Variants in CNBD1 observed in about 807,000 individuals in gnomAD.
The protein encoded by CNBD1 is cyclic nucleotide binding domain containing 1.
A neutral mutation model predicts 54.4 loss-of-function variants in CNBD1; 71 were observed. The observed-to-expected ratio is 1.30, with a 90% CI of 1.08 to 1.59. The LOEUF is 1.59. Among genes scored for constraint, CNBD1 ranks in the 40% most tolerant of loss-of-function variants. The pLI is 0.00. For missense variants in CNBD1, 659 were observed against 518.0 expected, an observed-to-expected ratio of 1.27 and a Z score of -2.64; for synonymous variants, 182 against 170.7, an observed-to-expected ratio of 1.07 and a Z score of -0.51.
Position 87,351,673 on chromosome 8 carries a change from T to C in CNBD1, c.1043-12T>C, listed in dbSNP as rs1276693326. The C allele has an allele frequency of 1.3e-6, 2 of 1,483,834 alleles. No homozygotes were observed. Among genetic ancestry groups the C allele is most frequent in the Admixed American group, 2.9e-5 (1 of 34,196 alleles). The allele number at this position is 1,483,834 out of a possible 1,614,324, so 91.9% of individuals were successfully genotyped here. On this transcript the variant is annotated splice_polypyrimidine_tract_variant and intron_variant, in intron 8 of 10. Coordinates refer to ENST00000518476, the MANE Select transcript of CNBD1 (RefSeq NM_173538.3). ...AAGAATGTGTGAAATGAACTATCTC[T>C]CTTCTTTTCAGTGATAGTGGAAAGT...
Position 87,284,831 on chromosome 8 carries a change from A to T in CNBD1, c.909+16A>T. On this transcript the variant is annotated intron_variant, in intron 7 of 10. Coordinates refer to ENST00000518476, the MANE Select transcript of CNBD1 (RefSeq NM_173538.3). ...GATAAAGGAGGTAAGATGATATCTA[A>T]TATTTTATATAAACAAAAATTGGGC... 2.0e-6 allele frequency: 3 copies of T among 1,525,172 alleles called. No homozygotes were observed. Among genetic ancestry groups the T allele is most frequent in the Non-Finnish European group, 2.6e-6 (3 of 1,132,240 alleles). 94.5% of individuals were successfully genotyped at this position (1,525,172 alleles called of 1,614,324 possible).
rs1461897466 is a variant in CNBD1 at position 87,206,008 on chromosome 8, G to A, written c.447G>A (p.Thr149=). The change falls in exon 5 of 11, where the codon ACG becomes ACA. Residue 149 remains threonine (T), a synonymous_variant. Coordinates refer to ENST00000518476, the MANE Select transcript of CNBD1 (RefSeq NM_173538.3). Reference sequence around the variant, plus strand: ...TTTTTTTGAGGCCCATTCACAGGACGCCATATGAACACAAAACTGTGTGGA... The same window carrying A: ...TTTTTTTGAGGCCCATTCACAGGACACCATATGAACACAAAACTGTGTGGA... ...AILKKLPIHR[T]PYEHKTVWKF... is the part of the protein sequence containing the mutation. The A allele has an allele frequency of 8.5e-6, 13 of 1,529,072 alleles. No individual in the cohort carries two copies. Among genetic ancestry groups the A allele is most frequent in the Admixed American group, 4.3e-5 (2 of 46,192 alleles). 94.7% of individuals were successfully genotyped at this position (1,529,072 alleles called of 1,614,324 possible).
chr8:87,303,292 T>C lies in CNBD1; in HGVS notation c.1042+16621T>C, dbSNP rs545155603. Among the ~76,000 whole-genome samples, 13 of 151,964 alleles carry C rather than the reference T, an allele frequency of 8.6e-5. No individual in the cohort carries two copies. The East Asian group carries it at 1.9e-3, about 23-fold the overall frequency. On this transcript the variant is annotated intron_variant, in intron 8 of 10. Coordinates refer to ENST00000518476, the MANE Select transcript of CNBD1 (RefSeq NM_173538.3). ...TGGTACTGGTACCAAAACAGAGATA[T>C]AGACCAATGGAACAGAACAGAGCCC...
At chr8:87,178,577 C>T (rs1709210191) in intron 4 of CNBD1, among the ~76,000 whole-genome samples, 2 of 152,150 alleles carry the variant, frequency 1.3e-5, no homozygotes, top group South Asian at 4.1e-4. Flanking sequence ...GCCATTTTTA[C>T]TTGGAGTCTG....
intron 10 of CNBD1, among the ~76,000 whole-genome samples, chr8:87,359,775 C>CA (rs1810492237): frequency 6.6e-6 from 1 of 151,968 alleles, no homozygotes; most frequent in Admixed American, 6.6e-5. Flanking sequence ...TCAGCGTGAG[C>CA]AAACTCTATG....
chr8:87,236,203 A>T (rs1359650340), intron 5 of CNBD1, among the ~76,000 whole-genome samples: 1 of 152,176 alleles, frequency 6.6e-6, no homozygotes, highest in Non-Finnish European at 1.5e-5. Context: ...GAAATGGAGA[A>T]AGACACCATC....
At chr8:86,915,718 G>A (rs1809173269) in intron 3 of CNBD1, among the ~76,000 whole-genome samples, 1 of 152,186 alleles carries the variant, frequency 6.6e-6, no homozygotes, top group South Asian at 2.1e-4. Flanking sequence ...AAATTCAGAT[G>A]AGTACTGGAA....
chr8:86,987,166 T>G (rs1303534267), intron 4 of CNBD1, among the ~76,000 whole-genome samples: 1 of 152,208 alleles, frequency 6.6e-6, no homozygotes, highest in East Asian at 1.9e-4. Context: ...TTCCATTTAT[T>G]TGTCTCATCT....
At chr8:87,336,491 A>G (rs1219692342) in intron 8 of CNBD1, among the ~76,000 whole-genome samples, 2 of 151,780 alleles carry the variant, frequency 1.3e-5, no homozygotes, top group South Asian at 4.2e-4. Flanking sequence ...CAATTTGGCT[A>G]TTGATCCTTG....
intron 4 of CNBD1, among the ~76,000 whole-genome samples, chr8:87,086,186 C>T (rs1055174099): frequency 6.6e-6 from 1 of 152,176 alleles, no homozygotes; most frequent in African/African-American, 2.4e-5. Context: ...AGCTCACACT[C>T]ATCCCCTTTT....
downstream of CNBD1, among the ~76,000 whole-genome samples, chr8:87,385,979 C>T (rs1438128354): frequency 6.6e-6 from 1 of 152,160 alleles, no homozygotes; most frequent in Non-Finnish European, 1.5e-5. Context: ...TGTTCTGCAG[C>T]CTCCACTGCT....
chr8:87,316,868 C>T (rs562730888), intron 8 of CNBD1, among the ~76,000 whole-genome samples: 15 of 151,260 alleles, frequency 9.9e-5, no homozygotes, highest in African/African-American at 2.2e-4. Flanking sequence ...AAGTATTAAT[C>T]GATATGAATT....
chr8:86,913,847 TATCTACATCTGCATAAGGCAGA>T (rs918307860), intron 3 of CNBD1, among the ~76,000 whole-genome samples: 14 of 152,250 alleles, frequency 9.2e-5, no homozygotes, highest in African/African-American at 3.4e-4. Flanking sequence ...GTTTCATCCC[TATCTACATCTGCATAAGGCAGA>T]ACCTCCCAGG....
intron 6 of CNBD1, among the ~76,000 whole-genome samples, chr8:87,267,980 C>A (rs556855773): frequency 6.6e-6 from 1 of 152,168 alleles, no homozygotes; most frequent in African/African-American, 2.4e-5. Flanking sequence ...GTTTTAGGGT[C>A]TGGCGATACA....
intron 4 of CNBD1, among the ~76,000 whole-genome samples, chr8:87,069,071 C>G (rs1810710804): frequency 6.6e-6 from 1 of 152,052 alleles, no homozygotes; most frequent in South Asian, 2.1e-4. Flanking sequence ...ATAAACTACA[C>G]CTGCTAATTT....
At chr8:86,913,303 C>G (rs547633348) in intron 3 of CNBD1, among the ~76,000 whole-genome samples, 1 of 152,258 alleles carries the variant, frequency 6.6e-6, no homozygotes, top group African/African-American at 2.4e-5. Context: ...TACAGATATA[C>G]CATTTTACAT....
intron 5 of CNBD1, among the ~76,000 whole-genome samples, chr8:87,212,675 C>A (rs145201228): frequency 1.4e-3 from 212 of 151,924 alleles, no homozygotes; most frequent in African/African-American, 4.7e-3. Context: ...GAAGGTAGAC[C>A]CCTAATTTAC....
At chr8:86,938,295 A>T (rs1809587415) in intron 3 of CNBD1, among the ~76,000 whole-genome samples, 1 of 152,196 alleles carries the variant, frequency 6.6e-6, no homozygotes, top group Non-Finnish European at 1.5e-5. Context: ...AGGAAGTTAC[A>T]AAATTTCCCA....
chr8:86,966,520 G>A (rs62526208), intron 4 of CNBD1, among the ~76,000 whole-genome samples: 21,243 of 152,106 alleles, frequency 0.14, 1,678 homozygotes, highest in Non-Finnish European at 0.18. Context: ...AGGTGAAGCC[G>A]CAGACCTTTG....
Sources: allele counts gnomAD v4.1 joint callset (sites outside exome capture counted in the v4.1 genomes callset), GRCh38; gene constraint gnomAD v4.1.1; transcripts MANE v1.5; gene names NCBI Gene and HGNC (gene_info 2026-07-23, HGNC 2026-07-21).